Variants in SYNPO observed in about 807,000 individuals in gnomAD.
The protein encoded by SYNPO is synaptopodin.
In SYNPO, 19 loss-of-function variants were observed where a neutral mutation model predicts 49.5. The ratio of observed to expected loss-of-function variants is 0.38; its 90% CI spans 0.27 to 0.56. SYNPO has a LOEUF of 0.56. Ranked by LOEUF, SYNPO falls within the 20% of genes least tolerant of loss-of-function variation. The pLI is 0.68. For missense variants in SYNPO, 1,131 were observed against 1,248.3 expected (o/e 0.91, Z 1.42); for synonymous variants, 536 against 548.0 (o/e 0.98, Z 0.31).
intron 2 of SYNPO, among the ~76,000 whole-genome samples, chr5:150,620,342 C>A (rs546467822): frequency 2.6e-5 from 4 of 152,184 alleles, no homozygotes; most frequent in African/African-American, 7.2e-5. Context: ...TTGTTAGAAG[C>A]CTTTATGTGC....
intron 1 of SYNPO, among the ~76,000 whole-genome samples, chr5:150,607,779 A>T (rs979328191): frequency 7.2e-5 from 4 of 55,176 alleles, no homozygotes; most frequent in African/African-American, 1.3e-4. Context: ...CTAAAAAGTT[A>T]AAAAAAAAAA....
rs1378628859 is a variant in SYNPO at position 150,648,267 on chromosome 5, G to C, written c.-9G>C. The C allele has an allele frequency of 6.2e-7, 1 of 1,614,160 alleles. No individual in the cohort carries two copies. Among genetic ancestry groups the C allele is most frequent in the African/African-American group, 1.3e-5 (1 of 75,044 alleles). Reference sequence around the variant, plus strand: ...CCAGAGCCCCGACAGAGGGGTCCCTGGCCACAGCATGGAGGGGTACTCAGA... The same window carrying C: ...CCAGAGCCCCGACAGAGGGGTCCCTCGCCACAGCATGGAGGGGTACTCAGA... On this transcript the variant is annotated 5_prime_UTR_variant, in exon 2 of 3. Transcript: ENST00000307662. This position sits in a 1 kb window ranked among gnomAD's most constrained non-coding sequence, Gnocchi z 5.0.
chr5:150,595,267 G>A, the SYNPO span, among the ~76,000 whole-genome samples: 1 of 152,232 alleles, frequency 6.6e-6, no homozygotes, highest in African/African-American at 2.4e-5. Context: ...GAAGAGGTTG[G>A]AAAAGTTCAA....
intron 2 of SYNPO, among the ~76,000 whole-genome samples, chr5:150,621,726 G>A (rs1215495896): frequency 2.0e-5 from 3 of 152,192 alleles, no homozygotes. Flanking sequence ...TGGGGTCAGT[G>A]GGTACCAGTG....
At chr5:150,617,082 T>C (rs1757000979) in intron 1 of SYNPO, among the ~76,000 whole-genome samples, 1 of 152,194 alleles carries the variant, frequency 6.6e-6, no homozygotes, top group African/African-American at 2.4e-5. Context: ...TATTAAGGTA[T>C]GGCTTAGAAA....
At chr5:150,646,025 C>T (rs965554337) in intron 1 of SYNPO, among the ~76,000 whole-genome samples, 1 of 152,074 alleles carries the variant, frequency 6.6e-6, no homozygotes, top group Non-Finnish European at 1.5e-5. Flanking sequence ...TTACTGTATA[C>T]CTTTTTATGT....
At position 150,656,784 on chromosome 5, in the gene SYNPO, C is replaced by T; in HGVS notation, c.2409C>T (p.Arg803=). The T allele has an allele frequency of 7.7e-7, 1 of 1,291,720 alleles. No homozygotes were observed. The highest frequency in any genetic ancestry group is 3.3e-5 in the East Asian group (1 of 30,698). 80.0% of individuals were successfully genotyped at this position (1,291,720 alleles called of 1,614,324 possible). The change falls in exon 3 of 3, where the codon CGC becomes CGT. Residue 803 remains arginine (R), a synonymous_variant. Coordinates refer to ENST00000307662, the MANE Select transcript of SYNPO (RefSeq NM_007286.6). ...CCCCGCCCCCGCCCCCGCGCATGCG[C>T]TCGCCACAGCCCGCCCGCCCCGGCT... ...PPPPPPPPRM[R]SPQPARPGSA...
At position 150,650,282 on chromosome 5, in the gene SYNPO, G is replaced by A. The variant is rs752931415; in HGVS notation, c.2007G>A (p.Arg669=). ...KQAPRPSFST[R]NAGIEAQDRR... ...CCCCCAGGCCCTCCTTCTCTACCCG[G>A]AACGCCGGGATCGAGGCTCAGGTGT... The change falls in exon 2 of 3, where the codon CGG becomes CGA. Residue 669 remains arginine (R), a synonymous_variant. Coordinates refer to ENST00000307662, the MANE Select transcript of SYNPO (RefSeq NM_007286.6). 4.3e-6 allele frequency: 7 copies of A among 1,614,134 alleles called. No individual in the cohort carries two copies. In the East Asian group the frequency reaches 1.6e-4, roughly 36 times the overall value.
chr5:150,642,142 A>G (rs974643313), intron 1 of SYNPO, among the ~76,000 whole-genome samples: 1 of 152,238 alleles, frequency 6.6e-6, no homozygotes, highest in Non-Finnish European at 1.5e-5. Flanking sequence ...CATAAAGTGC[A>G]CAGCACTGAG....
chr5:150,624,907 G>T (rs1223992971), intron 2 of SYNPO: 2 of 985,448 alleles, frequency 2.0e-6, no homozygotes, highest in Non-Finnish European at 2.4e-6. Flanking sequence ...AGCGGCTGGA[G>T]GTGAGTGAGG....
At chr5:150,597,731 C>CG (rs1756449565), upstream of SYNPO, among the ~76,000 whole-genome samples, 1 of 152,126 alleles carries the variant, frequency 6.6e-6, no homozygotes, top group Non-Finnish European at 1.5e-5. Flanking sequence ...CTGCGCTTCC[C>CG]GGGTTCAAGT....
intron 2 of SYNPO, among the ~76,000 whole-genome samples, chr5:150,630,844 G>A (rs900226966): frequency 6.6e-6 from 1 of 152,186 alleles, no homozygotes; most frequent in Non-Finnish European, 1.5e-5. Context: ...TGGCTGTGTG[G>A]CCTTGAATGA....
rs116349859 is a variant in SYNPO, at chr5:150,620,453, T to A, written c.400+1686T>A. Among the ~76,000 whole-genome samples the A allele has an allele frequency of 3.8e-3, 579 of 152,246 alleles. 4 individuals are homozygous for A. The highest frequency in any genetic ancestry group is 0.013 in the African/African-American group (546 of 41,542). Reference sequence around the variant, plus strand: ...ATTATTTTCATTATACAGATGAGAATATAGAGGCTCAGGAAATATATGTGA... The same window carrying A: ...ATTATTTTCATTATACAGATGAGAAAATAGAGGCTCAGGAAATATATGTGA... On this transcript the variant is annotated intron_variant, in intron 2 of 2. Transcript: ENST00000394243.
chr5:150,632,479 G>C (rs189180985), intron 2 of SYNPO, among the ~76,000 whole-genome samples: 14 of 152,334 alleles, frequency 9.2e-5, no homozygotes, highest in Middle Eastern at 3.4e-3. Flanking sequence ...TGAACAAGGA[G>C]GGGGAGGAGT....
At chr5:150,615,252 T>C (rs1756952854) in intron 1 of SYNPO, 2 of 152,254 alleles carry the variant, frequency 1.3e-5, no homozygotes, top group African/African-American at 4.8e-5. Context: ...TCCTCCCTCC[T>C]GGCTTGGCAG....
upstream of SYNPO, among the ~76,000 whole-genome samples, chr5:150,639,324 C>G (rs1015585960): frequency 3.9e-5 from 6 of 152,242 alleles, no homozygotes; most frequent in African/African-American, 1.2e-4. Flanking sequence ...GCCTCCTTCC[C>G]CTGGGTTTCT....
chr5:150,649,658 C>G lies in SYNPO; in HGVS notation c.1383C>G (p.Ile461Met). 1 of 1,609,794 alleles carries G rather than the reference C, an allele frequency of 6.2e-7. No individual in the cohort carries two copies. Among genetic ancestry groups the G allele is most frequent in the Non-Finnish European group, 8.5e-7 (1 of 1,179,962 alleles). ...EWASCLKSPR[I>M]QAKPKPKPNQ... is the part of the protein sequence containing the mutation. Reference sequence around the variant, plus strand: ...CCTCCTGCCTCAAGTCACCCCGCATCCAGGCCAAGCCGAAGCCCAAACCCA... The same window carrying G: ...CCTCCTGCCTCAAGTCACCCCGCATGCAGGCCAAGCCGAAGCCCAAACCCA... The change falls in exon 2 of 3, where the codon ATC becomes ATG. Residue 461 changes from isoleucine to methionine, a missense_variant. Physicochemically the swap from Ile to Met is conservative, Grantham distance 10. Coordinates refer to ENST00000307662, the MANE Select transcript of SYNPO (RefSeq NM_007286.6).
intron 2 of SYNPO, among the ~76,000 whole-genome samples, chr5:150,628,065 T>TGTGTGG (rs772029127): frequency 6.7e-6 from 1 of 150,238 alleles, no homozygotes; most frequent in Admixed American, 6.6e-5. Context: ...TGTGTGTGTG[T>TGTGTGG]GGTCAGAGTC....
intron 1 of SYNPO, among the ~76,000 whole-genome samples, chr5:150,616,501 C>T (rs1051073743): frequency 6.6e-6 from 1 of 152,282 alleles, no homozygotes; most frequent in East Asian, 1.9e-4. Flanking sequence ...CACTACCTGC[C>T]CATCCTGGGC....
Sources: allele counts gnomAD v4.1 joint callset (sites outside exome capture counted in the v4.1 genomes callset), GRCh38; gene constraint gnomAD v4.1.1; non-coding constraint Gnocchi (gnomAD v3.1); transcripts MANE v1.5; gene names NCBI Gene and HGNC (gene_info 2026-07-23, HGNC 2026-07-21).